CDKL3: variants seen among roughly 807,000 people sequenced by gnomAD.
CDKL3 encodes the protein cyclin dependent kinase like 3.
Under a neutral mutation model 69.3 loss-of-function variants are expected in CDKL3, and 65 were observed. The ratio of observed to expected loss-of-function variants is 0.94; its 90% confidence interval spans 0.77 to 1.15. The LOEUF is 1.15. CDKL3 is among the 50% of genes most tolerant of loss of function. The pLI, the probability that CDKL3 is intolerant of heterozygous loss-of-function variation, is 0.00. For synonymous variants in CDKL3, 202 were observed against 221.6 expected, an observed-to-expected ratio of 0.91 and a Z score of 0.79; for missense variants, 652 against 689.2, an observed-to-expected ratio of 0.95 and a Z score of 0.61.
In CDKL3 at chr5:134,298,669, G is replaced by GTTTCTCT; in HGVS notation, c.1754_1760dup (p.Asn587LysfsTer22). The GTTTCTCT allele has an allele frequency of 1.2e-6, 2 of 1,612,912 alleles. No individual in the cohort carries two copies. The highest frequency in any genetic ancestry group is 1.7e-6 in the Non-Finnish European group (2 of 1,179,430). On this transcript the variant is annotated frameshift_variant, in exon 13 of 13. Coordinates refer to ENST00000265334, the MANE Select transcript of CDKL3 (RefSeq NM_001113575.2). LOFTEE classifies it high-confidence loss of function. ...AAAGACACTACCAGAAAAAAAACCT[G>GTTTCTCT]TTTCTCTTCAAATTCTTCCCCTCGC...
chr5:134,326,815 GTGTATA>G (rs1561562499), intron 4 of CDKL3, among the ~76,000 whole-genome samples: 3 of 81,528 alleles, frequency 3.7e-5, no homozygotes, highest in African/African-American at 1.7e-4. Context: ...ATATATGTGT[GTGTATA>G]TATATATATA....
At chr5:134,371,500 G>A (rs1303530843), upstream of CDKL3, 5 of 1,490,686 alleles carry the variant, frequency 3.4e-6, no homozygotes, top group South Asian at 3.7e-5. Context: ...GGCGGCGGCG[G>A]CGGCGATCCA....
At chr5:134,291,427 C>T (rs1364314853) in intron 8 of CDKL3, among the ~76,000 whole-genome samples, 1 of 152,170 alleles carries the variant, frequency 6.6e-6, no homozygotes, top group Non-Finnish European at 1.5e-5. Flanking sequence ...TACGAAACAT[C>T]ATATCTCTTG....
chr5:134,289,175 A>AG, intron 8 of CDKL3, among the ~76,000 whole-genome samples: 1 of 150,956 alleles, frequency 6.6e-6, no homozygotes, highest in Admixed American at 6.6e-5. Context: ...AAAAAAAAAA[A>AG]AAAAAAAAAG....
At chr5:134,371,577 C>CGCGGGGCAGCT, upstream of CDKL3, 1 of 1,611,888 alleles carries the variant, frequency 6.2e-7, no homozygotes, top group African/African-American at 1.3e-5. Context: ...TCAGACTGAC[C>CGCGGGGCAGCT]GCGGGGCAGC....
At chr5:134,353,310 T>G (rs983695309) in intron 3 of CDKL3, among the ~76,000 whole-genome samples, 4 of 152,120 alleles carry the variant, frequency 2.6e-5, no homozygotes, top group African/African-American at 9.7e-5. Context: ...CAATCTTCTA[T>G]TCCAGTGAAT....
rs113727217 is a variant in CDKL3 at position 134,315,187 on chromosome 5, C to T, written c.793-2807G>A. 9.9e-3 allele frequency among the ~76,000 whole-genome samples: 1,495 copies of T among 151,704 alleles called. 14 individuals carry two copies. Among genetic ancestry groups the T allele is most frequent in the African/African-American group, 0.032 (1,331 of 41,342 alleles). ...TTTTGTCTATGATAAATGTAGCATT[C>T]CAAATCATTGGATGATACTAGTTGT... On this transcript the variant is annotated intron_variant, in intron 6 of 12. Transcript: ENST00000265334.
intron 4 of CDKL3, among the ~76,000 whole-genome samples, chr5:134,345,931 T>C (rs1036839225): frequency 6.6e-5 from 10 of 152,148 alleles, no homozygotes; most frequent in Admixed American, 4.6e-4. Context: ...TACCTGAAAG[T>C]ATGGTGCTTT....
intron 8 of CDKL3, among the ~76,000 whole-genome samples, chr5:134,287,689 T>C (rs1764930821): frequency 6.6e-6 from 1 of 152,184 alleles, no homozygotes; most frequent in Non-Finnish European, 1.5e-5. Context: ...GGCATATTTA[T>C]TGAAAGCCAA....
intron 4 of CDKL3, among the ~76,000 whole-genome samples, chr5:134,329,565 G>A (rs1003011691): frequency 6.6e-6 from 1 of 151,316 alleles, no homozygotes; most frequent in African/African-American, 2.4e-5. Context: ...CGCTTCCTGG[G>A]TTGACGCCAT....
chr5:134,349,954 G>A (rs572025462), intron 4 of CDKL3, among the ~76,000 whole-genome samples: 10 of 152,192 alleles, frequency 6.6e-5, no homozygotes, highest in African/African-American at 1.4e-4. Flanking sequence ...TTGGGAGGCC[G>A]AGGCAGGTAG....
intron 12 of CDKL3, among the ~76,000 whole-genome samples, chr5:134,301,490 C>T (rs552154571): frequency 6.6e-6 from 1 of 152,262 alleles, no homozygotes; most frequent in South Asian, 2.1e-4. Context: ...TACAGAGTTT[C>T]AGATTTTTTA....
In CDKL3 at chr5:134,300,695, T is replaced by C. The variant is rs376310116; in HGVS notation, c.1719+1895A>G. On this transcript the variant is annotated intron_variant, in intron 12 of 12. Transcript: ENST00000265334. ...TCTATATCATATGAACAAGAAGATG[T>C]TTTCCCTCCTTAATTTATTATTTAT... 1.7e-4 allele frequency among the ~76,000 whole-genome samples: 26 copies of C among 152,276 alleles called. 1 individual carries two copies. In the East Asian group the frequency reaches 2.1e-3, roughly 12 times the overall value.
At chr5:134,284,693 C>T (rs1764779069), downstream of CDKL3, among the ~76,000 whole-genome samples, 1 of 152,212 alleles carries the variant, frequency 6.6e-6, no homozygotes, top group African/African-American at 2.4e-5. Flanking sequence ...ATTTTAGAGA[C>T]CTCCCCCTGG....
chr5:134,324,957 C>G (rs1212684254), intron 4 of CDKL3, among the ~76,000 whole-genome samples: 7 of 152,192 alleles, frequency 4.6e-5, no homozygotes, highest in Admixed American at 4.6e-4. Context: ...GGAAACTACA[C>G]TTTCTGTTCA....
chr5:134,294,141 T>C (rs1765244393), downstream of CDKL3, among the ~76,000 whole-genome samples: 3 of 152,176 alleles, frequency 2.0e-5, no homozygotes, highest in Admixed American at 1.3e-4. Context: ...ATTTATCAAT[T>C]GAATCCAATA....
At chr5:134,350,803 G>A (rs1339301195) in intron 3 of CDKL3, among the ~76,000 whole-genome samples, 7 of 137,724 alleles carry the variant, frequency 5.1e-5, no homozygotes, top group Non-Finnish European at 7.7e-5. Context: ...AACAGAGTGA[G>A]ACCCTGTCTC....
intron 3 of CDKL3, 139 bp downstream of exon 3, chr5:134,359,758 C>T: frequency 4.6e-6 from 3 of 658,082 alleles, no homozygotes; most frequent in Non-Finnish European, 7.4e-6. Context: ...GCCCCCTATT[C>T]CCTATCCCCA....
At chr5:134,327,589 T>C (rs1774713687) in intron 4 of CDKL3, among the ~76,000 whole-genome samples, 1 of 152,160 alleles carries the variant, frequency 6.6e-6, no homozygotes, top group African/African-American at 2.4e-5. Context: ...ATCAATTTAA[T>C]GAACCTGCAG....
Sources: gnomAD v4.1 joint callset for allele counts (sites outside exome capture counted in the v4.1 genomes callset) on GRCh38, gnomAD v4.1.1 for gene constraint, MANE v1.5 for transcripts, NCBI Gene and HGNC (gene_info 2026-07-23, HGNC 2026-07-21) for gene names.